Variants in CSMD3 observed in about 807,000 individuals in gnomAD.
CSMD3 encodes the protein CUB and Sushi multiple domains 3.
In CSMD3, 177 loss-of-function variants were observed where a neutral mutation model predicts 435.2. That is an observed-to-expected ratio of 0.41 (90% CI 0.36 to 0.46). The LOEUF (loss-of-function observed/expected upper bound fraction) is 0.46. Among genes scored for constraint, CSMD3 ranks in the 20% least tolerant of loss-of-function variants. The pLI is 0.34. For missense variants in CSMD3, 4,265 were observed against 4,504.6 expected (o/e 0.95, Z 1.52); for synonymous variants, 1,656 against 1,520.5 (o/e 1.09, Z -2.07).
intron 12 of CSMD3, 114 bp downstream of exon 12, chr8:112,829,572 C>T (rs2079801204): frequency 2.8e-6 from 2 of 721,116 alleles, no homozygotes; most frequent in Non-Finnish European, 2.6e-6. Flanking sequence ...AACTAAGTTA[C>T]TGTGCATCTT....
Position 112,472,683 on chromosome 8 carries a change from C to G in CSMD3, c.5303G>C (p.Gly1768Ala), listed in dbSNP as rs1818642565. 6.2e-7 allele frequency: 1 copy of G among 1,610,544 alleles called. No individual in the cohort carries two copies. Among genetic ancestry groups the G allele is most frequent in the Non-Finnish European group, 8.5e-7 (1 of 1,177,082 alleles). ...TGGTGATAGAACAGTGCCTTCTGAACCTGTTGAACGACTTCCACAGGGCGC... is the reference window on the plus strand; with the variant it reads ...TGGTGATAGAACAGTGCCTTCTGAAGCTGTTGAACGACTTCCACAGGGCGC... ...CHAPCGSRST[G>A]SEGTVLSPNY... The change falls in exon 32 of 71, where the codon GGT becomes GCT. Residue 1768 changes from glycine (G) to alanine (A), a missense_variant. By Grantham distance (60) the Gly-to-Ala change is moderately conservative. Transcript: ENST00000297405.
intron 1 of CSMD3, among the ~76,000 whole-genome samples, chr8:113,435,862 G>A (rs1480859855): frequency 6.6e-6 from 1 of 152,034 alleles, no homozygotes; most frequent in Non-Finnish European, 1.5e-5. Context: ...CCATGATCCT[G>A]ACTGTCCCTT....
chr8:112,774,076 C>G (rs1587251200), intron 13 of CSMD3, among the ~76,000 whole-genome samples: 1 of 151,956 alleles, frequency 6.6e-6, no homozygotes, highest in East Asian at 1.9e-4. Flanking sequence ...TATGGAAACT[C>G]ATACTTTTTT....
At chr8:112,935,959 A>G (rs1441443829) in intron 9 of CSMD3, among the ~76,000 whole-genome samples, 2 of 152,078 alleles carry the variant, frequency 1.3e-5, no homozygotes, top group Non-Finnish European at 2.9e-5. Flanking sequence ...AATGGAGAAT[A>G]TTGGATATTT....
Position 113,161,748 on chromosome 8 carries a change from T to G in CSMD3, c.709+11974A>C, listed in dbSNP as rs78514539. On this transcript the variant is annotated intron_variant, in intron 4 of 70. Transcript: ENST00000297405. ...GCTTAGAGGATAAGTTTTAGACTCT[T>G]TTGTCTGAGTTTCCAAATTGTTCAA... Among the ~76,000 whole-genome samples the G allele has an allele frequency of 6.7e-3, 1,019 of 152,260 alleles. 16 individuals are homozygous for G. In the East Asian group the frequency reaches 0.069, roughly 10 times the overall value.
At chr8:112,760,955 T>C (rs1375692557) in intron 13 of CSMD3, among the ~76,000 whole-genome samples, 1 of 152,168 alleles carries the variant, frequency 6.6e-6, no homozygotes, top group Non-Finnish European at 1.5e-5. Flanking sequence ...ATGTGATTAT[T>C]CAAATGAGCT....
intron 22 of CSMD3, among the ~76,000 whole-genome samples, chr8:112,599,770 G>GA (rs1246903158): frequency 2.0e-5 from 3 of 148,486 alleles, no homozygotes; most frequent in Non-Finnish European, 4.4e-5. Flanking sequence ...ATCGCAAGAA[G>GA]AAAAAACCAA....
chr8:112,686,784 C>T (rs2076022998), intron 14 of CSMD3, among the ~76,000 whole-genome samples: 1 of 152,006 alleles, frequency 6.6e-6, no homozygotes, highest in Non-Finnish European at 1.5e-5. Context: ...CCGTGCCCGG[C>T]CTTTTATTAC....
chr8:113,067,617 G>A (rs2088917725), intron 5 of CSMD3, among the ~76,000 whole-genome samples: 2 of 152,006 alleles, frequency 1.3e-5, no homozygotes, highest in Non-Finnish European at 2.9e-5. Flanking sequence ...TGCATTCTTA[G>A]CACAGGTTCA....
intron 13 of CSMD3, among the ~76,000 whole-genome samples, chr8:112,741,043 G>C (rs1031691093): frequency 3.3e-5 from 5 of 151,780 alleles, no homozygotes; most frequent in Non-Finnish European, 5.9e-5. Flanking sequence ...CCCAGCAAGA[G>C]GTCAGAGGAT....
intron 38 of CSMD3, among the ~76,000 whole-genome samples, chr8:112,369,753 C>A (rs998127134): frequency 1.3e-5 from 2 of 151,822 alleles, no homozygotes; most frequent in Non-Finnish European, 1.5e-5. Flanking sequence ...AGGACAAATA[C>A]CTAATGCATG....
intron 13 of CSMD3, among the ~76,000 whole-genome samples, chr8:112,790,794 A>G (rs1350738772): frequency 1.3e-5 from 2 of 152,128 alleles, no homozygotes; most frequent in Admixed American, 6.6e-5. Flanking sequence ...TGCCTTTTTA[A>G]TTGTTGAAAA....
At chr8:112,608,428 G>A (rs1196741547) in intron 22 of CSMD3, among the ~76,000 whole-genome samples, 1 of 151,948 alleles carries the variant, frequency 6.6e-6, no homozygotes, top group East Asian at 1.9e-4. Context: ...ATTTTACACA[G>A]AAATGGAAAA....
chr8:113,249,543 A>G lies in CSMD3; in HGVS notation c.514+29049T>C, dbSNP rs577969266. ...TTTTATTGTGAATTTTTCTATTTTT[A>G]AATCAAATTTAAATAAGGTAAATAA... On this transcript the variant is annotated intron_variant, in intron 3 of 70. Coordinates refer to ENST00000297405, the MANE Select transcript of CSMD3 (RefSeq NM_198123.2). 6.4e-4 allele frequency among the ~76,000 whole-genome samples: 97 copies of G among 152,214 alleles called. 1 individual carries two copies. The highest frequency in any genetic ancestry group is 6.5e-4 in the Non-Finnish European group (44 of 67,998).
chr8:112,422,667 G>A (rs1315455930), intron 32 of CSMD3, among the ~76,000 whole-genome samples: 1 of 152,074 alleles, frequency 6.6e-6, no homozygotes, highest in Non-Finnish European at 1.5e-5. Flanking sequence ...TTGCCCAGTA[G>A]GTAGACGAAA....
intron 35 of CSMD3, among the ~76,000 whole-genome samples, chr8:112,404,376 A>G (rs1231737012): frequency 6.6e-6 from 1 of 152,068 alleles, no homozygotes; most frequent in Non-Finnish European, 1.5e-5. Context: ...AAAAGATAGA[A>G]AAAATTAGCC....
intron 6 of CSMD3, among the ~76,000 whole-genome samples, chr8:113,015,333 A>T (rs1406089799): frequency 4.6e-5 from 7 of 152,212 alleles, no homozygotes; most frequent in African/African-American, 1.7e-4. Context: ...ATTATCTTTC[A>T]TAACTTTTAA....
At chr8:112,920,989 G>T (rs1210474968) in intron 10 of CSMD3, among the ~76,000 whole-genome samples, 4 of 57,858 alleles carry the variant, frequency 6.9e-5, no homozygotes, top group African/African-American at 3.3e-4. Context: ...ACACACATAC[G>T]CGCGCGCGCA....
At chr8:113,104,364 G>A (rs1044511898) in intron 4 of CSMD3, among the ~76,000 whole-genome samples, 26 of 151,858 alleles carry the variant, frequency 1.7e-4, no homozygotes, top group African/African-American at 6.3e-4. Context: ...TTTTTATTTC[G>A]TCCCAAGACA....
Sources: allele counts gnomAD v4.1 joint callset (sites outside exome capture counted in the v4.1 genomes callset), GRCh38; gene constraint gnomAD v4.1.1; transcripts MANE v1.5; gene names NCBI Gene and HGNC (gene_info 2026-07-23, HGNC 2026-07-21).